NCAM2: variants seen among roughly 807,000 people sequenced by gnomAD.
The protein encoded by NCAM2 is neural cell adhesion molecule 2.
NCAM2 carries 30 observed loss-of-function variants against 98.1 expected under a neutral mutation model. The ratio of observed to expected loss-of-function variants is 0.31; its 90% CI spans 0.23 to 0.41. NCAM2 has a LOEUF of 0.41. Ranked by LOEUF, NCAM2 falls within the 10% of genes least tolerant of loss-of-function variation. The pLI, the probability that NCAM2 is intolerant of heterozygous loss-of-function variation, is 1.00. For missense variants in NCAM2, 867 were observed against 1,005.8 expected, an observed-to-expected ratio of 0.86 and a Z score of 1.87; for synonymous variants, 368 against 342.4, an observed-to-expected ratio of 1.07 and a Z score of -0.83.
rs559467030 is a variant in NCAM2 at position 21,205,062 on chromosome 21, G to A, written c.56-75516G>A. ...TATATATATGCAAGTGAACATTCAC[G>A]TGTATATGTATATGTGTGACATGTG... On this transcript the variant is annotated intron_variant, in intron 1 of 17. Transcript: ENST00000400546. 2.6e-5 allele frequency among the ~76,000 whole-genome samples: 4 copies of A among 152,130 alleles called. No individual in the cohort carries two copies. The East Asian group carries it at 5.8e-4, about 22-fold the overall frequency.
At chr21:21,318,405 C>A (rs759121792) in intron 5 of NCAM2, among the ~76,000 whole-genome samples, 1 of 152,096 alleles carries the variant, frequency 6.6e-6, no homozygotes, top group Non-Finnish European at 1.5e-5. Flanking sequence ...TGTTTTACCT[C>A]CTTTCAACTG....
At chr21:21,431,722 A>G (rs1036715997) in intron 11 of NCAM2, among the ~76,000 whole-genome samples, 1 of 152,056 alleles carries the variant, frequency 6.6e-6, no homozygotes, top group African/African-American at 2.4e-5. Flanking sequence ...ATGGTTGAAT[A>G]ATTGATTTAT....
chr21:21,215,549 C>T (rs1301388338), intron 1 of NCAM2, among the ~76,000 whole-genome samples: 2 of 151,846 alleles, frequency 1.3e-5, no homozygotes, highest in Admixed American at 6.6e-5. Context: ...TGAAATCTCA[C>T]CTCTACTAAA....
chr21:21,034,748 G>C (rs189194054), intron 1 of NCAM2, among the ~76,000 whole-genome samples: 1 of 152,066 alleles, frequency 6.6e-6, no homozygotes, highest in African/African-American at 2.4e-5. Context: ...CTTCTGAAAT[G>C]TATTTTTTTT....
At chr21:21,031,639 A>G (rs952005579) in intron 1 of NCAM2, among the ~76,000 whole-genome samples, 2 of 152,242 alleles carry the variant, frequency 1.3e-5, no homozygotes, top group Admixed American at 6.5e-5. Flanking sequence ...TGTCTCCAAT[A>G]TGCAAGTAGG....
intron 5 of NCAM2, 134 bp from the exon 6 acceptor site, chr21:21,324,249 C>A: frequency 5.1e-6 from 3 of 588,978 alleles, no homozygotes; most frequent in Middle Eastern, 4.8e-4. Flanking sequence ...ACTGTGAAAC[C>A]AAATCAGTTT....
chr21:21,418,565 G>A lies in NCAM2; in HGVS notation c.1476G>A (p.Leu492=). The A allele has an allele frequency of 6.3e-7, 1 of 1,597,116 alleles. No homozygotes were observed. The highest frequency in any genetic ancestry group is 8.6e-7 in the Non-Finnish European group (1 of 1,164,866). The change falls in exon 11 of 18, where the codon TTG becomes TTA. Residue 492 remains leucine (L), a synonymous_variant. Transcript: ENST00000400546. ...GATTTCAAGAATATATTCTTGCTTT[G>A]GCTGGTAAGTATAGCACAATAATTT... ...GTRFQEYILA[L]ADVPSSPYGV...
chr21:21,395,590 T>A (rs2076486619), intron 9 of NCAM2, among the ~76,000 whole-genome samples: 1 of 152,112 alleles, frequency 6.6e-6, no homozygotes, highest in Non-Finnish European at 1.5e-5. Context: ...AGAACACATC[T>A]GGAGGCAACA....
chr21:21,059,742 G>A lies in NCAM2; in HGVS notation c.55+61124G>A, dbSNP rs183178881. 1.4e-3 allele frequency among the ~76,000 whole-genome samples: 209 copies of A among 152,162 alleles called. 1 individual carries two copies. Among genetic ancestry groups the A allele is most frequent in the African/African-American group, 5.0e-3 (208 of 41,542 alleles). ...ATGTTTTATCCCACAGAACACATTA[G>A]CCAATGTCTAGAGACATTTTTGGTT... On this transcript the variant is annotated intron_variant, in intron 1 of 17. Transcript: ENST00000400546.
At chr21:21,283,575 T>C (rs1409258952) in intron 2 of NCAM2, among the ~76,000 whole-genome samples, 1 of 151,958 alleles carries the variant, frequency 6.6e-6, no homozygotes, top group African/African-American at 2.4e-5. Flanking sequence ...ATTAAAATAA[T>C]GAAACTACTT....
intron 1 of NCAM2, among the ~76,000 whole-genome samples, chr21:21,057,489 T>G (rs778178915): frequency 2.0e-5 from 3 of 152,150 alleles, no homozygotes; most frequent in Non-Finnish European, 2.9e-5. Context: ...TAACTCATAC[T>G]TTCATTGTAC....
intron 4 of NCAM2, among the ~76,000 whole-genome samples, chr21:21,288,950 C>G (rs1160666032): frequency 6.6e-6 from 1 of 151,804 alleles, no homozygotes; most frequent in Non-Finnish European, 1.5e-5. Flanking sequence ...CCATGTTGCT[C>G]ATAGAAAGGA....
chr21:21,119,205 A>G (rs916660954), intron 1 of NCAM2, among the ~76,000 whole-genome samples: 1 of 152,170 alleles, frequency 6.6e-6, no homozygotes, highest in African/African-American at 2.4e-5. Context: ...TCCTTAGCAT[A>G]ATGATTACTT....
chr21:21,280,324 C>G (rs2072883108), intron 1 of NCAM2, among the ~76,000 whole-genome samples: 1 of 152,112 alleles, frequency 6.6e-6, no homozygotes, highest in Non-Finnish European at 1.5e-5. Flanking sequence ...TGAATTTGTT[C>G]ATTTACTTGA....
intron 8 of NCAM2, among the ~76,000 whole-genome samples, chr21:21,360,706 T>G (rs1256359429): frequency 1.3e-5 from 2 of 151,978 alleles, no homozygotes; most frequent in Non-Finnish European, 2.9e-5. Flanking sequence ...AAAGAAACAT[T>G]TCTGGCAAAA....
At chr21:21,280,546 T>A in intron 1 of NCAM2, 32 bp from the exon 2 acceptor site, 1 of 1,461,766 alleles carries the variant, frequency 6.8e-7, no homozygotes, top group Non-Finnish European at 9.4e-7. Flanking sequence ...CGCTTAAAAA[T>A]CACCATTAAT....
intron 16 of NCAM2, among the ~76,000 whole-genome samples, chr21:21,523,699 G>A (rs550597393): frequency 1.9e-4 from 29 of 152,022 alleles, no homozygotes; most frequent in Non-Finnish European, 3.5e-4. Context: ...AAGAAGTACA[G>A]TGTTATTTGA....
intron 1 of NCAM2, among the ~76,000 whole-genome samples, chr21:21,121,781 C>T (rs2066679940): frequency 6.6e-6 from 1 of 152,218 alleles, no homozygotes; most frequent in Non-Finnish European, 1.5e-5. Flanking sequence ...CTGCCAGAAT[C>T]ATGCCGTTGA....
At chr21:21,386,144 T>C (rs923464518) in intron 9 of NCAM2, among the ~76,000 whole-genome samples, 1 of 151,820 alleles carries the variant, frequency 6.6e-6, no homozygotes, top group Non-Finnish European at 1.5e-5. Context: ...AATTCTTATC[T>C]CAAATTCTCT....
Sources: allele counts gnomAD v4.1 joint callset (sites outside exome capture counted in the v4.1 genomes callset), GRCh38; gene constraint gnomAD v4.1.1; transcripts MANE v1.5; gene names NCBI Gene and HGNC (gene_info 2026-07-23, HGNC 2026-07-21).